The following RAB11FIP3 variants were observed in gnomAD, a reference collection of about 807,000 sequenced individuals.
RAB11FIP3 encodes the protein rab11 family-interacting protein 3.
A neutral mutation model predicts 77.8 loss-of-function variants in RAB11FIP3; 17 were observed. That is an observed-to-expected ratio of 0.22 (90% confidence interval 0.15 to 0.33). RAB11FIP3 has a LOEUF of 0.33. Among genes scored for constraint, RAB11FIP3 ranks in the 10% least tolerant of loss-of-function variants. The pLI is 1.00. For missense variants in RAB11FIP3, 1,005 were observed against 1,011.2 expected, an observed-to-expected ratio of 0.99 and a Z score of 0.08; for synonymous variants, 437 against 448.2, an observed-to-expected ratio of 0.98 and a Z score of 0.31.
In RAB11FIP3 at chr16:426,516, C is replaced by A; in HGVS notation, c.510C>A (p.Gly170=). 1 of 1,556,194 alleles carries A rather than the reference C, an allele frequency of 6.4e-7. No homozygotes were observed. The highest frequency in any genetic ancestry group is 1.7e-4 in the Middle Eastern group (1 of 5,914). Residue 170 remains glycine, a synonymous_variant, in exon 1 of 14, where the codon GGC becomes GGA. Coordinates refer to ENST00000262305, the MANE Select transcript of RAB11FIP3 (RefSeq NM_014700.4). This position sits in a 1 kb window ranked among gnomAD's most constrained non-coding sequence, Gnocchi z 5.0. ...VFSPFPAPTA[G]ELALEQGPGS... ...CTCCCTTCCCCGCGCCCACGGCGGG[C>A]GAGCTGGCGCTGGAGCAAGGTCCCG...
At chr16:447,098 A>G (rs1401193213) in intron 1 of RAB11FIP3, among the ~76,000 whole-genome samples, 1 of 150,944 alleles carries the variant, frequency 6.6e-6, no homozygotes, top group Admixed American at 6.6e-5. Context: ...TGAGGCCAGG[A>G]GTTCAAGACC....
intron 5 of RAB11FIP3, among the ~76,000 whole-genome samples, chr16:495,789 T>C (rs2031072217): frequency 6.6e-6 from 1 of 152,204 alleles, no homozygotes; most frequent in Non-Finnish European, 1.5e-5. Flanking sequence ...CACTCTTTGT[T>C]GCCCAGGCTG....
At chr16:482,261 G>A in intron 3 of RAB11FIP3, 3 of 627,160 alleles carry the variant, frequency 4.8e-6, no homozygotes, top group Non-Finnish European at 8.8e-6. Flanking sequence ...TCACTTTGTT[G>A]GCCAGGCTGG....
rs922180516 is a variant in RAB11FIP3 at position 471,458 on chromosome 16, C to T, written c.903+69C>T. 3.8e-6 allele frequency: 5 copies of T among 1,307,974 alleles called. No individual in the cohort carries two copies. The highest frequency in any genetic ancestry group is 2.5e-5 in the East Asian group (1 of 39,834). The allele number at this position is 1,307,974 out of a possible 1,614,324, so 81.0% of individuals were successfully genotyped here. A position where few individuals can be genotyped will look rare whatever the true frequency, so the allele number is the denominator to read the frequency against. ...ACCTCTTCCTTTATGCCCTACAGCTCGTGCCTCCTGCCTCCGGGCTGTCTT... is the reference window on the plus strand; with the variant it reads ...ACCTCTTCCTTTATGCCCTACAGCTTGTGCCTCCTGCCTCCGGGCTGTCTT... On this transcript the variant is annotated intron_variant, in intron 3 of 13. Coordinates refer to ENST00000262305, the MANE Select transcript of RAB11FIP3 (RefSeq NM_014700.4). This position sits in a 1 kb window ranked among gnomAD's most constrained non-coding sequence, Gnocchi z 4.4.
rs1185158202 is a variant in RAB11FIP3, at chr16:496,759, C to T, written c.1266-65C>T. The stretch of plus-strand genomic sequence containing the variant: ...CTCGTATCTCCACAGCCTGAGTTTC[C>T]TGCTTCCTCCTGCTCCTCTCTGTCT... On this transcript the variant is annotated intron_variant, in intron 5 of 13. Transcript: ENST00000262305. 6.7e-6 allele frequency: 10 copies of T among 1,498,574 alleles called. No individual in the cohort carries two copies. The Admixed American group carries it at 1.7e-4, about 25-fold the overall frequency. The allele number at this position is 1,498,574 out of a possible 1,614,324, so 92.8% of individuals were successfully genotyped here. A position where few individuals can be genotyped will look rare whatever the true frequency, so the allele number is the denominator to read the frequency against.
chr16:476,815 G>T (rs1218887341), intron 3 of RAB11FIP3, among the ~76,000 whole-genome samples: 2 of 151,030 alleles, frequency 1.3e-5, no homozygotes, highest in Non-Finnish European at 3.0e-5. Flanking sequence ...TTTAGGCTGG[G>T]CATGGTGGCT....
rs2031814678 is a variant in RAB11FIP3, at chr16:505,342, G to T, written c.1396-182G>T. ...AATGACAGTGCTCCCCAAGACCCCG[G>T]CCCCATTAGGAGCTGCACCTTTGTG... is the stretch of plus-strand genomic sequence containing the variant. On this transcript the variant is annotated intron_variant, in intron 7 of 13. Coordinates refer to ENST00000262305, the MANE Select transcript of RAB11FIP3 (RefSeq NM_014700.4). This position sits in a 1 kb window ranked among gnomAD's most constrained non-coding sequence, Gnocchi z 4.0. Among the ~76,000 whole-genome samples, 1 of 152,154 alleles carries T rather than the reference G, an allele frequency of 6.6e-6. No homozygotes were observed. The highest frequency in any genetic ancestry group is 1.5e-5 in the Non-Finnish European group (1 of 68,024).
chr16:448,137 G>A (rs1204385983), intron 1 of RAB11FIP3, among the ~76,000 whole-genome samples: 1 of 151,314 alleles, frequency 6.6e-6, no homozygotes, highest in African/African-American at 2.4e-5. Flanking sequence ...GGCCAACATG[G>A]TGAAACCAAT....
chr16:519,837 C>T lies in RAB11FIP3; in HGVS notation c.1806C>T (p.Asp602=), dbSNP rs748121157. ...AGGAGAACAAGAGGAGAATGGGGGA[C>T]AGGCTGAGTCACGAGAGGCACCAGT... The part of the protein sequence containing the change: ...EEQENKRRMG[D]RLSHERHQFQ... Residue 602 remains aspartate (D), a synonymous_variant, in exon 11 of 14, where the codon GAC becomes GAT. Coordinates refer to ENST00000262305, the MANE Select transcript of RAB11FIP3 (RefSeq NM_014700.4). 1 of 1,602,186 alleles carries T rather than the reference C, an allele frequency of 6.2e-7. No homozygotes were observed. The highest frequency in any genetic ancestry group is 2.3e-5 in the East Asian group (1 of 44,356).
In RAB11FIP3 at chr16:509,626, T is replaced by G. The variant is rs139925112; in HGVS notation, c.1500-1034T>G. On this transcript the variant is annotated intron_variant, in intron 8 of 13. Transcript: ENST00000262305. ...GGAAGGCCAGGGTCTCCCTGCCCTG[T>G]GGGAATATTCCCTTTCCCCTGTGGT... is the stretch of plus-strand genomic sequence containing the variant. Among the ~76,000 whole-genome samples the G allele has an allele frequency of 2.0e-5, 3 of 152,346 alleles. No individual in the cohort carries two copies. In the East Asian group the frequency reaches 5.8e-4, roughly 29 times the overall value.
chr16:444,557 T>C (rs180812435), intron 1 of RAB11FIP3, among the ~76,000 whole-genome samples: 3 of 152,360 alleles, frequency 2.0e-5, no homozygotes, highest in Non-Finnish European at 4.4e-5. Context: ...CCTCTCAAGA[T>C]TGGGTTCTGG....
In RAB11FIP3 at chr16:453,204, C is replaced by T. The variant is rs370257889; in HGVS notation, c.715-8200C>T. 1.4e-4 allele frequency among the ~76,000 whole-genome samples: 21 copies of T among 147,640 alleles called. 1 individual carries two copies. The highest frequency in any genetic ancestry group is 4.8e-4 in the Admixed American group (7 of 14,680). On this transcript the variant is annotated intron_variant, in intron 1 of 13. Coordinates refer to ENST00000262305, the MANE Select transcript of RAB11FIP3 (RefSeq NM_014700.4). ...ATTCTCGTGCCTCAGCCTTCTGAGTCGCTGGGACTACAGGTGCCCGCCACC... is the reference window on the plus strand; with the variant it reads ...ATTCTCGTGCCTCAGCCTTCTGAGTTGCTGGGACTACAGGTGCCCGCCACC...
intron 3 of RAB11FIP3, among the ~76,000 whole-genome samples, chr16:476,292 C>T (rs1489173033): frequency 6.6e-6 from 1 of 152,130 alleles, no homozygotes; most frequent in Non-Finnish European, 1.5e-5. Context: ...TTCCTGTGTC[C>T]GTGGAGAATT....
chr16:497,511 A>G (rs1204364469), intron 6 of RAB11FIP3: 4 of 1,172,370 alleles, frequency 3.4e-6, no homozygotes, highest in Non-Finnish European at 4.3e-6. Flanking sequence ...GTGGCCCGGC[A>G]TCTGGCAGGG....
intron 3 of RAB11FIP3, chr16:477,508 G>A (rs1408584847): frequency 4.4e-6 from 2 of 451,798 alleles, no homozygotes; most frequent in Non-Finnish European, 5.8e-6. Flanking sequence ...CACAGGCCCA[G>A]CCTCTGACAG....
At chr16:513,213 T>TAA (rs1354560625) in intron 9 of RAB11FIP3, among the ~76,000 whole-genome samples, 1 of 151,762 alleles carries the variant, frequency 6.6e-6, no homozygotes, top group Non-Finnish European at 1.5e-5. Context: ...TTTATACAGT[T>TAA]GTTTGTTTGT....
chr16:497,049 G>T (rs754422230), intron 6 of RAB11FIP3, 190 bp downstream of exon 6: 19 of 653,468 alleles, frequency 2.9e-5, no homozygotes, highest in Middle Eastern at 9.5e-4. Flanking sequence ...TGTGAATTTG[G>T]ACCTGGATTT....
At position 492,867 on chromosome 16, in the gene RAB11FIP3, G is replaced by T. The variant is rs546579267; in HGVS notation, c.1265+3867G>T. Among the ~76,000 whole-genome samples, 524 of 152,268 alleles carry T rather than the reference G, an allele frequency of 3.4e-3. 4 individuals are homozygous for T. The highest frequency in any genetic ancestry group is 0.012 in the South Asian group (56 of 4,820). On this transcript the variant is annotated intron_variant, in intron 5 of 13. Transcript: ENST00000262305. ...GTCGCCTCTGCTGGGCTTTGTGGGG[G>T]CAGAGAAGGGACTAGGATGTAGCTA...
At chr16:520,385 C>T in intron 12 of RAB11FIP3, 74 bp from the exon 13 acceptor site, 1 of 1,592,724 alleles carries the variant, frequency 6.3e-7, no homozygotes, top group Non-Finnish European at 8.6e-7. Flanking sequence ...AGGCCTTTTT[C>T]CCCGGGCAGT....
Sources: allele counts gnomAD v4.1 joint callset (sites outside exome capture counted in the v4.1 genomes callset), GRCh38; gene constraint gnomAD v4.1.1; non-coding constraint Gnocchi (gnomAD v3.1); transcripts MANE v1.5; gene names NCBI Gene and HGNC (gene_info 2026-07-23, HGNC 2026-07-21).